Variants in RAP1GDS1 observed in about 807,000 individuals in gnomAD.
RAP1GDS1 encodes the protein RAP1, GTP-GDP dissociation stimulator 1.
A neutral mutation model predicts 71.1 loss-of-function variants in RAP1GDS1; 35 were observed. The ratio of observed to expected loss-of-function variants is 0.49; its 90% confidence interval spans 0.38 to 0.65. The LOEUF (loss-of-function observed/expected upper bound fraction) is 0.65. RAP1GDS1 is among the 30% of genes least tolerant of loss of function. The pLI is 0.00. For synonymous variants in RAP1GDS1, 229 were observed against 243.1 expected, an observed-to-expected ratio of 0.94 and a Z score of 0.54; for missense variants, 663 against 706.1, an observed-to-expected ratio of 0.94 and a Z score of 0.69.
intron 2 of RAP1GDS1, among the ~76,000 whole-genome samples, chr4:98,330,945 G>A (rs1318808172): frequency 1.3e-5 from 2 of 152,248 alleles, no homozygotes; most frequent in Non-Finnish European, 1.5e-5. Context: ...GCCAAGGCAG[G>A]CGGCTGGGAG....
intron 1 of RAP1GDS1, among the ~76,000 whole-genome samples, chr4:98,288,687 G>A (rs186204980): frequency 3.9e-5 from 6 of 152,234 alleles, no homozygotes; most frequent in Admixed American, 2.6e-4. Context: ...ATCCTCTCGA[G>A]CACCTGTTGT....
rs186855985 is a variant in RAP1GDS1 at position 98,368,325 on chromosome 4, T to G, written c.362-10692T>G. On this transcript the variant is annotated intron_variant, in intron 4 of 14. Coordinates refer to ENST00000408927, the MANE Select transcript of RAP1GDS1 (RefSeq NM_001100427.2). Reference sequence around the variant, plus strand: ...TCCTTTTGTAAATTGCCTAGTCTTGTGTATGTCTTTATCAGCAGCGTGAAA... The same window carrying G: ...TCCTTTTGTAAATTGCCTAGTCTTGGGTATGTCTTTATCAGCAGCGTGAAA... Among the ~76,000 whole-genome samples the G allele has an allele frequency of 5.3e-5, 8 of 152,284 alleles. No homozygotes were observed. In the East Asian group the frequency reaches 1.4e-3, roughly 26 times the overall value.
intron 12 of RAP1GDS1, 78 bp from the exon 13 acceptor site, chr4:98,433,858 A>C: frequency 7.2e-7 from 1 of 1,384,700 alleles, no homozygotes; most frequent in South Asian, 1.3e-5. Context: ...ACCACTCAAC[A>C]ATGAGTTGAC....
At chr4:98,339,940 A>T (rs1028733179) in intron 2 of RAP1GDS1, among the ~76,000 whole-genome samples, 5 of 151,742 alleles carry the variant, frequency 3.3e-5, no homozygotes, top group African/African-American at 1.2e-4. Context: ...CTACCATTCT[A>T]CCCAACAGTT....
At chr4:98,265,339 T>C (rs932629042) in intron 1 of RAP1GDS1, among the ~76,000 whole-genome samples, 1 of 152,172 alleles carries the variant, frequency 6.6e-6, no homozygotes, top group Non-Finnish European at 1.5e-5. Flanking sequence ...AGAGGAAACT[T>C]AGATACTCAA....
intron 2 of RAP1GDS1, among the ~76,000 whole-genome samples, chr4:98,299,007 A>T (rs1045120967): frequency 6.6e-6 from 1 of 152,178 alleles, no homozygotes; most frequent in Non-Finnish European, 1.5e-5. Flanking sequence ...TGCTGCACCC[A>T]TTAACTTGTC....
chr4:98,405,842 A>G (rs1578762665), intron 7 of RAP1GDS1, among the ~76,000 whole-genome samples: 1 of 152,126 alleles, frequency 6.6e-6, no homozygotes, highest in Non-Finnish European at 1.5e-5. Flanking sequence ...AACGGTAGAT[A>G]TATAGGTAAA....
At position 98,437,046 on chromosome 4, in the gene RAP1GDS1, G is replaced by A. The variant is rs372036662; in HGVS notation, c.1674G>A (p.Leu558=). 3.1e-6 allele frequency: 5 copies of A among 1,609,282 alleles called. No individual in the cohort carries two copies. The highest frequency in any genetic ancestry group is 1.7e-4 in the Middle Eastern group (1 of 5,762). Residue 558 remains leucine (L), a synonymous_variant, in exon 14 of 15, where the codon CTG becomes CTA. Transcript: ENST00000408927. The part of the protein sequence containing the change: ...APEIKYNSMV[L]ICALMGSECL... ...AAATCAAATATAATTCCATGGTCCT[G>A]ATATGTGCTCTTATGGGATCTGGTA...
rs185056522 is a variant in RAP1GDS1, at chr4:98,302,801, T to C, written c.112+9286T>C. 1.3e-3 allele frequency among the ~76,000 whole-genome samples: 200 copies of C among 152,274 alleles called. 2 individuals carry two copies. The highest frequency in any genetic ancestry group is 4.7e-3 in the African/African-American group (195 of 41,574). ...TGACCCACACCTGTAATCCCAGCACTTTGGGAGGCCAAGGTGGGCGGATCA... is the reference window on the plus strand; with the variant it reads ...TGACCCACACCTGTAATCCCAGCACCTTGGGAGGCCAAGGTGGGCGGATCA... On this transcript the variant is annotated intron_variant, in intron 2 of 14. Coordinates refer to ENST00000408927, the MANE Select transcript of RAP1GDS1 (RefSeq NM_001100427.2).
intron 14 of RAP1GDS1, chr4:98,441,578 G>A: frequency 1.0e-6 from 1 of 985,022 alleles, no homozygotes; most frequent in Non-Finnish European, 1.2e-6. Context: ...ATCTTACATT[G>A]TAGAACTTGA....
At chr4:98,274,143 G>C (rs1401146042) in intron 1 of RAP1GDS1, among the ~76,000 whole-genome samples, 1 of 152,102 alleles carries the variant, frequency 6.6e-6, no homozygotes, top group Non-Finnish European at 1.5e-5. Flanking sequence ...TGACTTTTAA[G>C]TCAGATTCAT....
At chr4:98,327,905 T>G (rs1186812761) in intron 2 of RAP1GDS1, among the ~76,000 whole-genome samples, 4 of 152,228 alleles carry the variant, frequency 2.6e-5, no homozygotes, top group Non-Finnish European at 5.9e-5. Context: ...TGAGCTAGTA[T>G]TATTTTGTTA....
rs1454605201 is a variant in RAP1GDS1 at position 98,325,318 on chromosome 4, T to C, written c.113-17821T>C. On this transcript the variant is annotated intron_variant, in intron 2 of 14. Coordinates refer to ENST00000408927, the MANE Select transcript of RAP1GDS1 (RefSeq NM_001100427.2). The stretch of plus-strand genomic sequence containing the variant: ...GAGAAATAGGAACACTTTTACACTG[T>C]TGGTGGGACTGTAAACTAGGTCAAC... Among the ~76,000 whole-genome samples, 3 of 151,080 alleles carry C rather than the reference T, an allele frequency of 2.0e-5. No individual in the cohort carries two copies. The East Asian group carries it at 5.8e-4, about 29-fold the overall frequency.
At chr4:98,407,413 G>T (rs1166455314) in intron 7 of RAP1GDS1, among the ~76,000 whole-genome samples, 2 of 151,970 alleles carry the variant, frequency 1.3e-5, no homozygotes, top group African/African-American at 4.8e-5. Flanking sequence ...AAAAGATAGG[G>T]TATCAACCTA....
chr4:98,350,764 G>T (rs1364093317), intron 3 of RAP1GDS1, among the ~76,000 whole-genome samples: 1 of 152,126 alleles, frequency 6.6e-6, no homozygotes, highest in Non-Finnish European at 1.5e-5. Flanking sequence ...TTTGAACCCA[G>T]GGGGCAGAGG....
intron 4 of RAP1GDS1, 99 bp from the exon 5 acceptor site, chr4:98,378,918 A>T: frequency 2.6e-6 from 3 of 1,145,928 alleles, no homozygotes; most frequent in South Asian, 1.7e-5. Context: ...TTTTCTATTT[A>T]TTCACAAAAT....
chr4:98,357,456 A>G (rs147017573), intron 4 of RAP1GDS1, among the ~76,000 whole-genome samples: 1 of 152,092 alleles, frequency 6.6e-6, no homozygotes, highest in Non-Finnish European at 1.5e-5. Context: ...TATGACTATT[A>G]TCACATGAAA....
intron 2 of RAP1GDS1, among the ~76,000 whole-genome samples, chr4:98,339,140 G>C (rs758187113): frequency 2.6e-4 from 40 of 152,038 alleles, no homozygotes; most frequent in Non-Finnish European, 5.4e-4. Flanking sequence ...TGGCCTGATT[G>C]CCCAATTTTC....
intron 11 of RAP1GDS1, 121 bp from the exon 12 acceptor site, chr4:98,421,134 C>A: frequency 8.8e-7 from 1 of 1,135,636 alleles, no homozygotes; most frequent in African/African-American, 1.6e-5. Flanking sequence ...GCAGTTCTAG[C>A]TTTAATGAAA....
Sources: allele counts gnomAD v4.1 joint callset (sites outside exome capture counted in the v4.1 genomes callset), GRCh38; gene constraint gnomAD v4.1.1; transcripts MANE v1.5; gene names NCBI Gene and HGNC (gene_info 2026-07-23, HGNC 2026-07-21).